INVS: variants seen among roughly 807,000 people sequenced by gnomAD.
INVS encodes inversion of embryo turning homolog.
INVS carries 86 observed loss-of-function variants against 108.8 expected under a neutral mutation model. The ratio of observed to expected loss-of-function variants is 0.79; its 90% CI spans 0.66 to 0.95. The LOEUF (loss-of-function observed/expected upper bound fraction) is 0.95. INVS is among the 40% of genes least tolerant of loss of function. The pLI, the probability that INVS is intolerant of heterozygous loss-of-function variation, is 0.00. For missense variants in INVS, 1,169 were observed against 1,297.4 expected (o/e 0.90, Z 1.52); for synonymous variants, 455 against 473.5 (o/e 0.96, Z 0.51).
At chr9:100,179,835 T>C (rs1038727416) in intron 3 of INVS, among the ~76,000 whole-genome samples, 2 of 152,198 alleles carry the variant, frequency 1.3e-5, no homozygotes, top group African/African-American at 2.4e-5. Flanking sequence ...ATCAACAGAA[T>C]ATACATTCTT....
At chr9:100,247,133 G>T (rs2787393) in intron 8 of INVS, among the ~76,000 whole-genome samples, 79,111 of 151,178 alleles carry the variant, frequency 0.52, 21,830 homozygotes, top group African/African-American at 0.64. Flanking sequence ...TAGTAGTCAT[G>T]AATTATATTT....
At position 100,126,434 on chromosome 9, in the gene INVS, T is replaced by G; in HGVS notation, c.158T>G (p.Met53Arg). 6.2e-7 allele frequency: 1 copy of G among 1,614,112 alleles called. No individual in the cohort carries two copies. The highest frequency in any genetic ancestry group is 8.5e-7 in the Non-Finnish European group (1 of 1,179,944). Residue 53 changes from methionine (M) to arginine (R), a missense_variant, in exon 3 of 17, where the codon ATG becomes AGG. By Grantham distance (91) the Met-to-Arg change is moderately conservative. This residue lies in a region of INVS where 365 missense variants were observed against 397.5 expected (regional missense o/e 0.92). Coordinates refer to ENST00000262457, the MANE Select transcript of INVS (RefSeq NM_014425.5). ...KEDQFGRTPL[M>R]YCVLADRLDC... Reference sequence around the variant, plus strand: ...GATCAGTTTGGGAGAACACCACTTATGTATTGCGTGTTGGCTGACAGATTG... The same window carrying G: ...GATCAGTTTGGGAGAACACCACTTAGGTATTGCGTGTTGGCTGACAGATTG...
intron 3 of INVS, among the ~76,000 whole-genome samples, chr9:100,223,323 C>T (rs974204638): frequency 6.6e-6 from 1 of 152,116 alleles, no homozygotes; most frequent in Non-Finnish European, 1.5e-5. Flanking sequence ...TCTCGAACTC[C>T]TGACCTCAAG....
chr9:100,201,883 C>T (rs1013255710), intron 3 of INVS, among the ~76,000 whole-genome samples: 1 of 152,180 alleles, frequency 6.6e-6, no homozygotes, highest in African/African-American at 2.4e-5. Flanking sequence ...AAGGGCCTTA[C>T]ACCCAAGATA....
intron 10 of INVS, among the ~76,000 whole-genome samples, chr9:100,253,882 G>A (rs1009477827): frequency 7.9e-5 from 12 of 152,144 alleles, no homozygotes; most frequent in African/African-American, 2.7e-4. Context: ...ACATACGTGT[G>A]CATGTGTCTT....
At chr9:100,099,764 C>A (rs1266914108) in intron 1 of INVS, among the ~76,000 whole-genome samples, 1 of 152,138 alleles carries the variant, frequency 6.6e-6, no homozygotes, top group Admixed American at 6.5e-5. Flanking sequence ...TACGAAATTC[C>A]CTAGCAAAGC....
chr9:100,107,057 T>C (rs1827203608), intron 2 of INVS, among the ~76,000 whole-genome samples: 1 of 152,210 alleles, frequency 6.6e-6, no homozygotes, highest in South Asian at 2.1e-4. Flanking sequence ...CTTAATTCAC[T>C]CTTTTATTAA....
chr9:100,187,211 G>A (rs937304859), intron 3 of INVS, among the ~76,000 whole-genome samples: 2 of 151,998 alleles, frequency 1.3e-5, no homozygotes, highest in Non-Finnish European at 2.9e-5. Context: ...CCATTGGTCT[G>A]TACATCTATT....
At chr9:100,272,006 C>CT (rs1291337899) in intron 11 of INVS, among the ~76,000 whole-genome samples, 8 of 151,920 alleles carry the variant, frequency 5.3e-5, no homozygotes, top group African/African-American at 1.9e-4. Context: ...GTAGCTGGGA[C>CT]TACAGGTATG....
chr9:100,292,284 C>G, intron 13 of INVS, 42 bp from the exon 14 acceptor site: 1 of 1,526,808 alleles, frequency 6.5e-7, no homozygotes, highest in Non-Finnish European at 9.1e-7. Context: ...AATTATCCTA[C>G]TCTGCAAGTT....
intron 3 of INVS, among the ~76,000 whole-genome samples, chr9:100,146,298 T>TGGCG (rs60011653): frequency 0.21 from 31,417 of 151,200 alleles, 5,541 homozygotes; most frequent in African/African-American, 0.49. Context: ...GGTTGTTCTC[T>TGGCG]GGCAGGAGTG....
intron 3 of INVS, among the ~76,000 whole-genome samples, chr9:100,143,585 TG>T (rs1828502281): frequency 6.6e-6 from 1 of 151,832 alleles, no homozygotes; most frequent in Non-Finnish European, 1.5e-5. Flanking sequence ...GGCTTTGAAC[TG>T]GGGGAAAAGG....
chr9:100,265,684 A>T (rs1270976657), intron 11 of INVS, among the ~76,000 whole-genome samples: 4 of 152,218 alleles, frequency 2.6e-5, no homozygotes, highest in Non-Finnish European at 5.9e-5. Context: ...AGAAGCTAAG[A>T]TGAAAGTTCA....
intron 2 of INVS, among the ~76,000 whole-genome samples, chr9:100,119,659 G>A (rs377090877): frequency 1.6e-4 from 25 of 152,324 alleles, no homozygotes; most frequent in East Asian, 1.4e-3. Flanking sequence ...CCGGGTTCAC[G>A]CCATTCTCCT....
chr9:100,146,670 A>T (rs1828626695), intron 3 of INVS, among the ~76,000 whole-genome samples: 1 of 152,210 alleles, frequency 6.6e-6, no homozygotes, highest in Non-Finnish European at 1.5e-5. Flanking sequence ...TAAATTTTTT[A>T]AATGAGTCTA....
intron 3 of INVS, among the ~76,000 whole-genome samples, chr9:100,211,101 C>T (rs545597058): frequency 5.3e-5 from 8 of 151,846 alleles, no homozygotes; most frequent in Non-Finnish European, 8.8e-5. Context: ...GCCCTCCAGA[C>T]GATCTTGATG....
At chr9:100,185,516 A>AATATATATATATATATATATAT (rs35603398) in intron 3 of INVS, among the ~76,000 whole-genome samples, 5 of 110,854 alleles carry the variant, frequency 4.5e-5, no homozygotes, top group Admixed American at 2.3e-4. Flanking sequence ...TATGCATAGA[A>AATATATATATATATATATATAT]ATATATATAT....
intron 3 of INVS, among the ~76,000 whole-genome samples, chr9:100,216,799 C>T (rs374858164): frequency 6.6e-6 from 1 of 152,154 alleles, no homozygotes; most frequent in African/African-American, 2.4e-5. Context: ...TTTGCCTGCC[C>T]AGAGGAAGGT....
rs1588150996 is a variant in INVS at position 100,293,052 on chromosome 9, A to G, written c.2786+9A>G. 6.2e-7 allele frequency: 1 copy of G among 1,608,592 alleles called. No individual in the cohort carries two copies. The highest frequency in any genetic ancestry group is 8.5e-7 in the Non-Finnish European group (1 of 1,175,944). On this transcript the variant is annotated intron_variant, in intron 14 of 16. Coordinates refer to ENST00000262457, the MANE Select transcript of INVS (RefSeq NM_014425.5). ...CAGCGCGCCTGGCGAAGGTAGGAAA[A>G]TGGGGTGCTGCCGCATCTGTGGTTC...
Sources: gnomAD v4.1 joint callset for allele counts (sites outside exome capture counted in the v4.1 genomes callset) on GRCh38, gnomAD v4.1.1 for gene constraint, gnomAD v4.1.1 regional missense constraint, MANE v1.5 for transcripts, NCBI Gene and HGNC (gene_info 2026-07-23, HGNC 2026-07-21) for gene names.